The following ATAD2 variants were observed in gnomAD, a reference collection of about 807,000 sequenced individuals.
ATAD2 encodes ATPase family AAA domain containing 2, also known as ATPase family AAA domain-containing protein 2.
A neutral mutation model predicts 168.9 loss-of-function variants in ATAD2; 62 were observed. That is an observed-to-expected ratio of 0.37 (90% CI 0.30 to 0.45). The LOEUF (loss-of-function observed/expected upper bound fraction) is 0.45, where lower values mean the gene tolerates loss of function less well. ATAD2 is among the 20% of genes least tolerant of loss of function. The probability of loss-of-function intolerance (pLI) is 1.00; values close to 1 mark genes in which losing one functional copy is unlikely to be tolerated. For missense variants in ATAD2, 1,419 were observed against 1,667.8 expected, an observed-to-expected ratio of 0.85 and a Z score of 2.60; for synonymous variants, 613 against 571.6, an observed-to-expected ratio of 1.07 and a Z score of -1.03.
In ATAD2 at chr8:123,361,628, G is replaced by A. The variant is rs1435262040; in HGVS notation, c.1068C>T (p.His356=). 3.7e-6 allele frequency: 6 copies of A among 1,611,338 alleles called. No homozygotes were observed. Among genetic ancestry groups the A allele is most frequent in the African/African-American group, 1.3e-5 (1 of 75,004 alleles). Residue 356 remains histidine (H), a synonymous_variant, in exon 9 of 28, where the codon CAC becomes CAT. Coordinates refer to ENST00000287394, the MANE Select transcript of ATAD2 (RefSeq NM_014109.4). The part of the protein sequence containing the change: ...KRMNRRRHAI[H]SSDSTSSSSS... ...AGGAAGATGAAGTCGAGTCACTACT[G>A]TGGATTGCATGCCTTCGCCTAAAGT...
intron 1 of ATAD2, among the ~76,000 whole-genome samples, chr8:123,387,065 T>A (rs1829665287): frequency 6.6e-6 from 1 of 152,122 alleles, no homozygotes; most frequent in South Asian, 2.1e-4. Context: ...AATGTCACCC[T>A]TAATTTCAGC....
intron 12 of ATAD2, among the ~76,000 whole-genome samples, chr8:123,357,195 T>C (rs907281986): frequency 1.3e-5 from 2 of 152,184 alleles, no homozygotes; most frequent in Non-Finnish European, 2.9e-5. Flanking sequence ...TACAATGTGC[T>C]GTCAATACAA....
rs548532645 is a variant in ATAD2, at chr8:123,337,085, G to A, written c.3051+540C>T. Among the ~76,000 whole-genome samples, 210 of 149,488 alleles carry A rather than the reference G, an allele frequency of 1.4e-3. 3 individuals carry two copies. Among genetic ancestry groups the A allele is most frequent in the South Asian group, 3.2e-3 (15 of 4,702 alleles). On this transcript the variant is annotated intron_variant, in intron 21 of 27. Transcript: ENST00000287394. ...AAAAAAAAAAAAAAAAGGGGGGGCCGAGCATGGTGGCTCATGCCTGTAATC... is the reference window on the plus strand; with the variant it reads ...AAAAAAAAAAAAAAAAGGGGGGGCCAAGCATGGTGGCTCATGCCTGTAATC...
At position 123,371,663 on chromosome 8, in the gene ATAD2, T is replaced by C; in HGVS notation, c.536+7A>G. 1 of 1,590,404 alleles carries C rather than the reference T, an allele frequency of 6.3e-7. No homozygotes were observed. Among genetic ancestry groups the C allele is most frequent in the South Asian group, 1.2e-5 (1 of 86,218 alleles). On this transcript the variant is annotated splice_region_variant and intron_variant, in intron 4 of 27. Coordinates refer to ENST00000287394, the MANE Select transcript of ATAD2 (RefSeq NM_014109.4). ...AAATCATCTTGATCTAAGGAATTTT[T>C]ACTTACTTAGTTATAAGTTTGTCAA...
intron 1 of ATAD2, among the ~76,000 whole-genome samples, chr8:123,386,953 G>A (rs376823054): frequency 6.6e-6 from 1 of 150,682 alleles, no homozygotes; most frequent in Non-Finnish European, 1.5e-5. Flanking sequence ...TCTATATAGA[G>A]TATACACTAA....
upstream of ATAD2, among the ~76,000 whole-genome samples, chr8:123,397,151 G>C (rs992078625): frequency 6.9e-6 from 1 of 145,876 alleles, no homozygotes; most frequent in African/African-American, 2.6e-5. Flanking sequence ...TGAGGCAGGA[G>C]AATCGCTTGA....
rs73705908 is a variant in ATAD2 at position 123,360,118 on chromosome 8, C to T, written c.1158-433G>A. ...TATGAGGAAGGTATTATTATTTTCC[C>T]CATTTTAAAACAAAACCAAGACATA... On this transcript the variant is annotated intron_variant, in intron 9 of 27. Transcript: ENST00000287394. 5.5e-3 allele frequency among the ~76,000 whole-genome samples: 841 copies of T among 152,136 alleles called. 5 individuals carry two copies. Among genetic ancestry groups the T allele is most frequent in the African/African-American group, 0.019 (784 of 41,490 alleles).
intron 15 of ATAD2, among the ~76,000 whole-genome samples, chr8:123,347,714 G>A (rs1441809783): frequency 6.6e-6 from 1 of 152,114 alleles, no homozygotes; most frequent in Admixed American, 6.6e-5. Context: ...TTTACTAGCT[G>A]TATGACCTTA....
rs1813018254 is a variant in ATAD2 at position 123,402,725 on chromosome 8, T to C, written c.-2281-1550A>G. Among the ~76,000 whole-genome samples, 1 of 152,270 alleles carries C rather than the reference T, an allele frequency of 6.6e-6. No homozygotes were observed. The highest frequency in any genetic ancestry group is 1.5e-5 in the Non-Finnish European group (1 of 68,032). On this transcript the variant is annotated intron_variant, in intron 1 of 28. Coordinates refer to the ATAD2 transcript ENST00000521903. The surrounding 1 kb of genome is among the most constrained non-coding windows in gnomAD (Gnocchi z 4.8). ...ACCATTCCTGCCCTCTCCTCAGCTG[T>C]AGTTGAAGGCTTTAACTTTGCACAC...
chr8:123,328,189 C>A lies in ATAD2; in HGVS notation c.3868+1G>T, dbSNP rs1827664565. 3 of 1,369,476 alleles carry A rather than the reference C, an allele frequency of 2.2e-6. No individual in the cohort carries two copies. Among genetic ancestry groups the A allele is most frequent in the Non-Finnish European group, 1.9e-6 (2 of 1,056,490 alleles). 84.8% of individuals were successfully genotyped at this position (1,369,476 alleles called of 1,614,324 possible). A position where few individuals can be genotyped will look rare whatever the true frequency, so the allele number is the denominator to read the frequency against. On this transcript the variant is annotated splice_donor_variant, in intron 25 of 27. Transcript: ENST00000287394. LOFTEE classifies it high-confidence loss of function. ...AATTATTTTAATTGAAAAAGACGTA[C>A]CTTTTCCTTCATTTTCATCAGAAAT...
At chr8:123,326,288 GAC>G (rs2131276274) in intron 25 of ATAD2, among the ~76,000 whole-genome samples, 1 of 152,224 alleles carries the variant, frequency 6.6e-6, no homozygotes, top group East Asian at 1.9e-4. Flanking sequence ...TTGAGCACAA[GAC>G]ACACAGAACT....
intron 8 of ATAD2, 42 bp downstream of exon 8, chr8:123,369,016 C>T (rs1347828708): frequency 8.2e-7 from 1 of 1,216,508 alleles, no homozygotes; most frequent in Non-Finnish European, 1.2e-6. Context: ...AACATAAAAA[C>T]AATTATGTTG....
chr8:123,346,295 GC>G, intron 17 of ATAD2, 23 bp from the exon 18 acceptor site: 1 of 1,536,908 alleles, frequency 6.5e-7, no homozygotes, highest in African/African-American at 1.4e-5. Context: ...TGATTAATAA[GC>G]TATGTTTTAG....
intron 25 of ATAD2, 139 bp from the exon 26 acceptor site, chr8:123,326,165 TTA>T: frequency 1.1e-6 from 1 of 891,150 alleles, no homozygotes; most frequent in Non-Finnish European, 1.7e-6. Context: ...ACTCATTCTG[TTA>T]TAAGATTAAG....
intron 20 of ATAD2, among the ~76,000 whole-genome samples, 164 bp from the exon 21 acceptor site, chr8:123,337,985 G>A (rs550667472): frequency 1.3e-5 from 2 of 152,232 alleles, no homozygotes; most frequent in South Asian, 2.1e-4. Flanking sequence ...CTAACCCTAC[G>A]TCCCCTCCAG....
intron 14 of ATAD2, 28 bp from the exon 15 acceptor site, chr8:123,348,301 A>C (rs1298145339): frequency 1.4e-6 from 2 of 1,403,644 alleles, no homozygotes; most frequent in Middle Eastern, 1.9e-4. Context: ...TTAATTTTTT[A>C]CAACTATAAT....
chr8:123,381,396 T>C (rs1829489361), intron 1 of ATAD2, among the ~76,000 whole-genome samples: 1 of 152,072 alleles, frequency 6.6e-6, no homozygotes, highest in African/African-American at 2.4e-5. Flanking sequence ...AGTTACTTGG[T>C]AGGCTGAAAT....
upstream of ATAD2, chr8:123,400,493 G>C: frequency 2.6e-6 from 1 of 382,852 alleles, no homozygotes; most frequent in South Asian, 2.0e-5. The surrounding 1 kb of genome is among the most constrained non-coding windows in gnomAD (Gnocchi z 4.5). Context: ...AACATAGTGA[G>C]ACCCAGTCTC....
At chr8:123,393,636 G>A (rs766394962) in intron 1 of ATAD2, among the ~76,000 whole-genome samples, 1 of 152,170 alleles carries the variant, frequency 6.6e-6, no homozygotes, top group Non-Finnish European at 1.5e-5. Context: ...AGGAAAGATG[G>A]TCAGGCGCGG....
Sources: allele counts gnomAD v4.1 joint callset (sites outside exome capture counted in the v4.1 genomes callset), GRCh38; gene constraint gnomAD v4.1.1; non-coding constraint Gnocchi (gnomAD v3.1); transcripts MANE v1.5; gene names NCBI Gene and HGNC (gene_info 2026-07-23, HGNC 2026-07-21).